Variants in PIBF1 observed in about 807,000 individuals in gnomAD.
PIBF1 encodes progesterone immunomodulatory binding factor 1, also known as progesterone-induced-blocking factor 1.
PIBF1 carries 90 observed loss-of-function variants against 112.5 expected under a neutral mutation model. That is an observed-to-expected ratio of 0.80 (90% CI 0.67 to 0.95). The LOEUF (loss-of-function observed/expected upper bound fraction) is 0.95, where lower values mean the gene tolerates loss of function less well. Among genes scored for constraint, PIBF1 ranks in the 40% least tolerant of loss-of-function variants. PIBF1 has a pLI of 0.00. For missense variants in PIBF1, 915 were observed against 852.3 expected (o/e 1.07, Z -0.92); for synonymous variants, 301 against 288.6 (o/e 1.04, Z -0.44).
chr13:72,901,529 TAAA>T (rs1295288854), intron 11 of PIBF1, among the ~76,000 whole-genome samples: 1 of 151,596 alleles, frequency 6.6e-6, no homozygotes. Context: ...CTACTAAAAA[TAAA>T]AAATTAGCCA....
intron 15 of PIBF1, among the ~76,000 whole-genome samples, chr13:72,970,898 A>T (rs1216701121): frequency 6.6e-6 from 1 of 152,218 alleles, no homozygotes; most frequent in Non-Finnish European, 1.5e-5. Flanking sequence ...TTGTAATCAC[A>T]GCAATATTGT....
chr13:72,790,499 TCA>T (rs1162550737), intron 2 of PIBF1, among the ~76,000 whole-genome samples: 35 of 138,230 alleles, frequency 2.5e-4, no homozygotes, highest in South Asian at 4.6e-4. Context: ...TATAGATAGA[TCA>T]CACACACACA....
At chr13:72,827,154 C>G (rs1263917387) in intron 7 of PIBF1, 36 bp downstream of exon 7, 5 of 1,044,272 alleles carry the variant, frequency 4.8e-6, no homozygotes, top group Non-Finnish European at 6.8e-6. Flanking sequence ...TATTATATAG[C>G]ATAGTATTAG....
chr13:72,795,660 A>G, intron 4 of PIBF1, 103 bp downstream of exon 4: 1 of 710,090 alleles, frequency 1.4e-6, no homozygotes, highest in East Asian at 2.8e-5. Flanking sequence ...TTGATACATT[A>G]TTTTATGGCT....
chr13:72,994,727 A>G (rs1405320954), intron 16 of PIBF1, among the ~76,000 whole-genome samples: 1 of 152,238 alleles, frequency 6.6e-6, no homozygotes, highest in Non-Finnish European at 1.5e-5. Flanking sequence ...AGCCAGACAC[A>G]GGATAAGAAC....
At chr13:72,928,583 G>A (rs1442382255) in intron 13 of PIBF1, among the ~76,000 whole-genome samples, 2 of 152,140 alleles carry the variant, frequency 1.3e-5, no homozygotes, top group Non-Finnish European at 2.9e-5. Context: ...GGGATTACAG[G>A]CGCCTGCCAC....
rs67211238 is a variant in PIBF1, at chr13:72,952,035, C to CTTTTTTTTTTTTTTTTT, written c.1834-13238_1834-13222dup. Among the ~76,000 whole-genome samples the CTTTTTTTTTTTTTTTTT allele has an allele frequency of 4.9e-4, 60 of 122,968 alleles. 1 individual carries two copies. Among genetic ancestry groups the CTTTTTTTTTTTTTTTTT allele is most frequent in the Non-Finnish European group, 7.4e-4 (44 of 59,132 alleles). The allele number at this position is 122,968 out of a possible 152,430, so 80.7% of individuals were successfully genotyped here. A position where few individuals can be genotyped will look rare whatever the true frequency, so the allele number is the denominator to read the frequency against. On this transcript the variant is annotated intron_variant, in intron 14 of 17. Coordinates refer to ENST00000326291, the MANE Select transcript of PIBF1 (RefSeq NM_006346.4). ...AATTTCTTTCTTTCTTTTCTTTTCT[C>CTTTTTTTTTTTTTTTTT]TTTTTTTTTTTTTTTTTGAGATGGA... is the stretch of plus-strand genomic sequence containing the variant.
intron 5 of PIBF1, among the ~76,000 whole-genome samples, 164 bp downstream of exon 5, chr13:72,798,190 C>T (rs1306594726): frequency 2.0e-5 from 3 of 152,152 alleles, no homozygotes; most frequent in South Asian, 2.1e-4. Flanking sequence ...TGGAAGTAGT[C>T]ATCTTAAACA....
chr13:73,013,779 C>T (rs1441300061), intron 17 of PIBF1, among the ~76,000 whole-genome samples: 1 of 149,900 alleles, frequency 6.7e-6, no homozygotes, highest in African/African-American at 2.5e-5. Flanking sequence ...CTGAAAGAAG[C>T]CCGAGGAAAA....
intron 5 of PIBF1, among the ~76,000 whole-genome samples, chr13:72,821,516 C>T (rs1536135): frequency 0.78 from 117,953 of 152,148 alleles, 46,042 homozygotes; most frequent in South Asian, 0.85. Flanking sequence ...TCTGTATCTT[C>T]AGCATCTGAT....
At chr13:72,933,569 C>A (rs533204772) in intron 14 of PIBF1, among the ~76,000 whole-genome samples, 6 of 152,266 alleles carry the variant, frequency 3.9e-5, no homozygotes, top group Admixed American at 6.5e-5. Context: ...AGCTGAGGCA[C>A]GAGAATCACT....
intron 10 of PIBF1, among the ~76,000 whole-genome samples, chr13:72,859,502 G>A (rs979801177): frequency 2.0e-5 from 3 of 152,074 alleles, no homozygotes; most frequent in Non-Finnish European, 2.9e-5. Flanking sequence ...CTGCATTTTT[G>A]TCAGTGATTT....
At chr13:72,889,329 A>C (rs1425903721) in intron 10 of PIBF1, among the ~76,000 whole-genome samples, 2 of 152,118 alleles carry the variant, frequency 1.3e-5, no homozygotes, top group African/African-American at 4.8e-5. Flanking sequence ...TCTTTGTTTC[A>C]CAGTTCTTTC....
intron 13 of PIBF1, among the ~76,000 whole-genome samples, chr13:72,921,642 C>T (rs930299221): frequency 1.3e-5 from 2 of 152,024 alleles, no homozygotes; most frequent in African/African-American, 4.8e-5. Flanking sequence ...ATTTTTAGTA[C>T]TTCCATTTTT....
At chr13:72,787,652 A>C (rs923938760) in intron 2 of PIBF1, among the ~76,000 whole-genome samples, 1 of 151,962 alleles carries the variant, frequency 6.6e-6, no homozygotes, top group Non-Finnish European at 1.5e-5. Context: ...GCTGCCATAT[A>C]CTTTTTTTTT....
chr13:72,892,407 T>G (rs941351893), intron 10 of PIBF1, among the ~76,000 whole-genome samples: 15 of 152,172 alleles, frequency 9.9e-5, no homozygotes, highest in Non-Finnish European at 1.6e-4. Context: ...CTAATGCCTA[T>G]CTTCTCTGAT....
chr13:72,987,854 A>AT lies in PIBF1; in HGVS notation c.2050-10965dup, dbSNP rs1287996992. Among the ~76,000 whole-genome samples, 118 of 58,622 alleles carry AT rather than the reference A, an allele frequency of 2.0e-3. 2 individuals carry two copies. The highest frequency in any genetic ancestry group is 9.6e-3 in the Middle Eastern group (1 of 104). The allele number at this position is 58,622 out of a possible 152,430, so 38.5% of individuals were successfully genotyped here. A position where few individuals can be genotyped will look rare whatever the true frequency, so the allele number is the denominator to read the frequency against. ...TTTTTTGTAATTTATTTATTTATTT[A>AT]TTTATTTTTTTTTTTTTTTTTTTTT... On this transcript the variant is annotated intron_variant, in intron 16 of 17. Coordinates refer to ENST00000326291, the MANE Select transcript of PIBF1 (RefSeq NM_006346.4).
chr13:72,931,199 A>C lies in PIBF1; in HGVS notation c.1765A>C (p.Lys589Gln). The C allele has an allele frequency of 6.2e-7, 1 of 1,613,222 alleles. No individual in the cohort carries two copies. The change falls in exon 14 of 18, where the codon AAA (lysine) becomes CAA (glutamine). Residue 589 changes from lysine to glutamine, a missense_variant. Transcript: ENST00000326291. ...GGCAAGAAGAGTGCTTCAATTAGAA[A>C]AACAAAACTCGCTGATTTTAAAAGA... ...HLARRVLQLEKQNSLILKDLE... is the reference protein window; with the variant it reads ...HLARRVLQLEQQNSLILKDLE...
chr13:72,964,462 T>C (rs1189550429), intron 14 of PIBF1, among the ~76,000 whole-genome samples: 1 of 152,222 alleles, frequency 6.6e-6, no homozygotes, highest in Non-Finnish European at 1.5e-5. Context: ...TGTACACTTT[T>C]CACATGATTA....
Sources: gnomAD v4.1 joint callset for allele counts (sites outside exome capture counted in the v4.1 genomes callset) on GRCh38, gnomAD v4.1.1 for gene constraint, MANE v1.5 for transcripts, NCBI Gene and HGNC (gene_info 2026-07-23, HGNC 2026-07-21) for gene names.